Variants in ZBTB7C observed in about 807,000 individuals in gnomAD.
ZBTB7C encodes zinc finger and BTB domain-containing protein 7C.
Under a neutral mutation model 25.7 loss-of-function variants are expected in ZBTB7C, and 8 were observed. The ratio of observed to expected loss-of-function variants is 0.31; its 90% CI spans 0.18 to 0.56. The LOEUF is 0.56. Among genes scored for constraint, ZBTB7C ranks in the 20% least tolerant of loss-of-function variants. The pLI is 0.91. For synonymous variants in ZBTB7C, 394 were observed against 369.0 expected (o/e 1.07, Z -0.78); for missense variants, 824 against 855.2 (o/e 0.96, Z 0.46).
intron 3 of ZBTB7C, among the ~76,000 whole-genome samples, chr18:48,048,321 C>T (rs546075267): frequency 5.1e-4 from 77 of 152,246 alleles, no homozygotes; most frequent in African/African-American, 1.2e-3. Context: ...CATTTGAATC[C>T]GGAATGGATC....
intron 3 of ZBTB7C, among the ~76,000 whole-genome samples, chr18:48,180,711 C>A (rs2041895098): frequency 6.6e-6 from 1 of 152,170 alleles, no homozygotes; most frequent in African/African-American, 2.4e-5. Flanking sequence ...GGCAAGAGAT[C>A]TGAGCTACCA....
At chr18:48,360,769 G>A (rs1289098303) in intron 1 of ZBTB7C, among the ~76,000 whole-genome samples, 1 of 152,124 alleles carries the variant, frequency 6.6e-6, no homozygotes, top group East Asian at 1.9e-4. Flanking sequence ...CCCGAGGAAG[G>A]AGAGTGTCAT....
chr18:48,029,938 C>T (rs369806210), intron 4 of ZBTB7C, 27 bp from the exon 5 acceptor site: 5 of 1,608,124 alleles, frequency 3.1e-6, no homozygotes, highest in Non-Finnish European at 4.2e-6. Context: ...GGGGGTCAGT[C>T]CCGCAGGGAA....
intron 1 of ZBTB7C, among the ~76,000 whole-genome samples, chr18:48,370,739 G>A (rs2047370157): frequency 6.6e-6 from 1 of 152,052 alleles, no homozygotes; most frequent in Non-Finnish European, 1.5e-5. Flanking sequence ...CACACACACT[G>A]CCTACGAAGG....
chr18:48,105,219 G>T (rs996135099), intron 3 of ZBTB7C, among the ~76,000 whole-genome samples: 7 of 152,316 alleles, frequency 4.6e-5, no homozygotes, highest in African/African-American at 1.7e-4. Context: ...GGGCAACCTT[G>T]GTTCCTGTGC....
At position 48,409,257 on chromosome 18, in the gene ZBTB7C, G is replaced by T. The variant is rs998163470; in HGVS notation, c.-335C>A. On this transcript the variant is annotated 5_prime_UTR_variant, in exon 1 of 5. Coordinates refer to ENST00000590800, the MANE Select transcript of ZBTB7C (RefSeq NM_001318841.2). Reference sequence around the variant, plus strand: ...GCGCCGCCGGCCCTGCGCGCCTCCCGCACTTGGCTCCGGGACGCAGTCCTG... The same window carrying T: ...GCGCCGCCGGCCCTGCGCGCCTCCCTCACTTGGCTCCGGGACGCAGTCCTG... 4 of 149,412 alleles carry T rather than the reference G, an allele frequency of 2.7e-5. No homozygotes were observed. Among genetic ancestry groups the T allele is most frequent in the Non-Finnish European group, 4.5e-5 (3 of 67,084 alleles). The allele number at this position is 149,412 out of a possible 1,614,324, so 9.3% of individuals were successfully genotyped here. A position where few individuals can be genotyped will look rare whatever the true frequency, so the allele number is the denominator to read the frequency against.
intron 3 of ZBTB7C, among the ~76,000 whole-genome samples, chr18:48,181,773 TC>T (rs1357109003): frequency 6.6e-6 from 1 of 152,174 alleles, no homozygotes; most frequent in African/African-American, 2.4e-5. Context: ...AGTACTTACA[TC>T]CTTAAAGGAC....
chr18:48,295,513 C>T (rs984212988), intron 2 of ZBTB7C, among the ~76,000 whole-genome samples: 18 of 152,166 alleles, frequency 1.2e-4, no homozygotes, highest in South Asian at 4.1e-4. Context: ...AGACCCAGAA[C>T]GCCTGGCCTT....
intron 1 of ZBTB7C, among the ~76,000 whole-genome samples, chr18:48,403,965 A>T (rs547966267): frequency 6.6e-6 from 1 of 152,352 alleles, no homozygotes; most frequent in South Asian, 2.1e-4. Context: ...AAGAAAAAAA[A>T]AGATTGGCGA....
intron 2 of ZBTB7C, among the ~76,000 whole-genome samples, chr18:48,275,671 G>C (rs1312272111): frequency 2.0e-5 from 3 of 152,140 alleles, no homozygotes; most frequent in African/African-American, 7.2e-5. Flanking sequence ...CCCTGCACTT[G>C]TATTTTTGTA....
At chr18:48,178,732 G>T (rs1485766055) in intron 3 of ZBTB7C, among the ~76,000 whole-genome samples, 4 of 152,200 alleles carry the variant, frequency 2.6e-5, no homozygotes, top group African/African-American at 9.6e-5. Flanking sequence ...TGAAAGTAAA[G>T]ACGAAGGCCT....
intron 1 of ZBTB7C, among the ~76,000 whole-genome samples, chr18:48,397,832 C>T (rs540691560): frequency 7.2e-5 from 11 of 152,306 alleles, no homozygotes; most frequent in East Asian, 3.9e-4. Context: ...GGCAAGACCA[C>T]GTCTTGGGCT....
intron 3 of ZBTB7C, among the ~76,000 whole-genome samples, chr18:48,051,927 G>T (rs2036703115): frequency 6.6e-6 from 1 of 151,154 alleles, no homozygotes; most frequent in Admixed American, 6.6e-5. Flanking sequence ...TTTCTAGGGG[G>T]CAGTGGGGGG....
chr18:48,389,759 G>A (rs1173869562), intron 1 of ZBTB7C, among the ~76,000 whole-genome samples: 1 of 152,186 alleles, frequency 6.6e-6, no homozygotes, highest in African/African-American at 2.4e-5. Context: ...AGAACGCTCA[G>A]AGGAAAGTGA....
chr18:48,052,730 C>T (rs1480269272), intron 3 of ZBTB7C, among the ~76,000 whole-genome samples: 1 of 152,138 alleles, frequency 6.6e-6, no homozygotes, highest in Non-Finnish European at 1.5e-5. Context: ...CTCTGCTCTG[C>T]AACTGCTTCA....
intron 2 of ZBTB7C, among the ~76,000 whole-genome samples, chr18:48,306,934 C>T (rs1053874963): frequency 2.0e-5 from 3 of 152,150 alleles, no homozygotes; most frequent in Non-Finnish European, 4.4e-5. Context: ...AAAATGTTAG[C>T]CAGTGTTCCA....
Position 48,364,651 on chromosome 18 carries a change from A to G in ZBTB7C, c.-303-26253T>C, listed in dbSNP as rs574456425. Among the ~76,000 whole-genome samples the G allele has an allele frequency of 5.9e-5, 9 of 152,326 alleles. No homozygotes were observed. In the South Asian group the frequency reaches 1.7e-3, roughly 28 times the overall value. On this transcript the variant is annotated intron_variant, in intron 1 of 4. Transcript: ENST00000590800. ...TAATTTTTAAAATAAGTAATACATT[A>G]AATGGTTCAAATTCAGAAGACACAA...
At chr18:48,133,367 G>A (rs1218381151) in intron 3 of ZBTB7C, among the ~76,000 whole-genome samples, 1 of 152,226 alleles carries the variant, frequency 6.6e-6, no homozygotes, top group Non-Finnish European at 1.5e-5. Context: ...GAAAATGACA[G>A]AAGAGAGCAA....
chr18:48,154,124 G>T (rs1214139054), intron 3 of ZBTB7C, among the ~76,000 whole-genome samples: 2 of 152,208 alleles, frequency 1.3e-5, no homozygotes, highest in Non-Finnish European at 2.9e-5. Flanking sequence ...AAGCAAGCAG[G>T]GGTTAGGGCT....
Sources: allele counts gnomAD v4.1 joint callset (sites outside exome capture counted in the v4.1 genomes callset), GRCh38; gene constraint gnomAD v4.1.1; transcripts MANE v1.5; gene names NCBI Gene and HGNC (gene_info 2026-07-23, HGNC 2026-07-21).